MAPRE2: variants seen among roughly 807,000 people sequenced by gnomAD.
MAPRE2 encodes microtubule associated protein RP/EB family member 2.
In MAPRE2, 13 loss-of-function variants were observed where a neutral mutation model predicts 43.2. The ratio of observed to expected loss-of-function variants is 0.30; its 90% CI spans 0.20 to 0.48. MAPRE2 has a LOEUF of 0.48. Among genes scored for constraint, MAPRE2 ranks in the 20% least tolerant of loss-of-function variants. The pLI, the probability that MAPRE2 is intolerant of heterozygous loss-of-function variation, is 0.99. For missense variants in MAPRE2, 161 were observed against 400.2 expected (o/e 0.40, Z 5.10); for synonymous variants, 135 against 148.8 (o/e 0.91, Z 0.68).
chr18:35,140,482 T>G lies in MAPRE2; in HGVS notation c.*113T>G. Reference sequence around the variant, plus strand: ...AAACCAGTTGTTCCCAATCTGCCGTTACCATCAACGCACTGTTGCATATGC... The same window carrying G: ...AAACCAGTTGTTCCCAATCTGCCGTGACCATCAACGCACTGTTGCATATGC... On this transcript the variant is annotated 3_prime_UTR_variant, in exon 7 of 7. Coordinates refer to ENST00000300249, the MANE Select transcript of MAPRE2 (RefSeq NM_014268.4). 9.6e-7 allele frequency: 1 copy of G among 1,039,500 alleles called. No homozygotes were observed. The highest frequency in any genetic ancestry group is 1.4e-6 in the Non-Finnish European group (1 of 705,962). The allele number at this position is 1,039,500 out of a possible 1,614,324, so 64.4% of individuals were successfully genotyped here. A position where few individuals can be genotyped will look rare whatever the true frequency, so the allele number is the denominator to read the frequency against.
upstream of MAPRE2, among the ~76,000 whole-genome samples, chr18:35,038,817 T>C (rs955793158): frequency 5.3e-5 from 8 of 152,208 alleles, no homozygotes; most frequent in African/African-American, 1.9e-4. Flanking sequence ...TACCCCTGCA[T>C]CTCAGAGGGT....
At chr18:34,995,656 C>G (rs898194003) in intron 1 of MAPRE2, among the ~76,000 whole-genome samples, 2 of 152,114 alleles carry the variant, frequency 1.3e-5, no homozygotes, top group African/African-American at 4.8e-5. Context: ...TGGTGTGCAC[C>G]AAGGATGGAC....
intron 2 of MAPRE2, among the ~76,000 whole-genome samples, chr18:35,088,653 A>G (rs982967069): frequency 6.6e-6 from 1 of 152,168 alleles, no homozygotes; most frequent in African/African-American, 2.4e-5. Flanking sequence ...GAACATTCTG[A>G]TTTGTGGCTG....
chr18:35,046,110 T>C (rs1353606122), intron 1 of MAPRE2, among the ~76,000 whole-genome samples: 1 of 152,246 alleles, frequency 6.6e-6, no homozygotes, highest in African/African-American at 2.4e-5. Context: ...AGGGACCTCT[T>C]GAAGCTGCAG....
In MAPRE2 at chr18:35,123,479, G is replaced by A. The variant is rs115107736; in HGVS notation, c.611-3469G>A. On this transcript the variant is annotated intron_variant, in intron 4 of 6. Transcript: ENST00000300249. Reference sequence around the variant, plus strand: ...CCCCTCTGCAAGGCTGTGTCCCTCAGGAGGGGCCAGTGAGCATGGCACAGG... The same window carrying A: ...CCCCTCTGCAAGGCTGTGTCCCTCAAGAGGGGCCAGTGAGCATGGCACAGG... 8.7e-3 allele frequency among the ~76,000 whole-genome samples: 1,327 copies of A among 152,282 alleles called. 17 individuals carry two copies. Among genetic ancestry groups the A allele is most frequent in the African/African-American group, 0.03 (1,264 of 41,532 alleles).
At chr18:35,024,221 T>C (rs946009882) in intron 2 of MAPRE2, among the ~76,000 whole-genome samples, 1 of 152,216 alleles carries the variant, frequency 6.6e-6, no homozygotes, top group African/African-American at 2.4e-5. Context: ...TATCTTGTTC[T>C]GGTACCATGA....
chr18:35,090,066 G>C (rs1355260818), intron 2 of MAPRE2, among the ~76,000 whole-genome samples: 1 of 152,174 alleles, frequency 6.6e-6, no homozygotes, highest in Non-Finnish European at 1.5e-5. Flanking sequence ...CTATTTATAT[G>C]AATTGTCCAG....
intron 1 of MAPRE2, among the ~76,000 whole-genome samples, chr18:34,997,438 G>T (rs2097027058): frequency 6.6e-6 from 1 of 152,132 alleles, no homozygotes. Flanking sequence ...TACCACATGA[G>T]AGCTCTTCAG....
chr18:35,067,765 A>G (rs1261439232), intron 1 of MAPRE2, among the ~76,000 whole-genome samples: 2 of 152,328 alleles, frequency 1.3e-5, no homozygotes, highest in East Asian at 3.9e-4. Context: ...TGATCATTTC[A>G]TCAGTCCAAA....
At chr18:34,989,849 C>A (rs575359) in intron 1 of MAPRE2, among the ~76,000 whole-genome samples, 38,869 of 151,870 alleles carry the variant, frequency 0.26, 5,018 homozygotes, top group African/African-American at 0.27. Flanking sequence ...GAGGATCCCC[C>A]GGTAATCTGT....
chr18:35,075,854 T>C (rs1286702841), intron 2 of MAPRE2, among the ~76,000 whole-genome samples: 1 of 152,228 alleles, frequency 6.6e-6, no homozygotes, highest in Non-Finnish European at 1.5e-5. Context: ...TCTCTACTAA[T>C]GCACTGGTTG....
chr18:35,114,055 G>A (rs528755296), intron 4 of MAPRE2, among the ~76,000 whole-genome samples: 75 of 152,262 alleles, frequency 4.9e-4, no homozygotes, highest in Non-Finnish European at 5.9e-4. Flanking sequence ...ACTGAGGCAC[G>A]GAGAGGTTTA....
intron 3 of MAPRE2, among the ~76,000 whole-genome samples, chr18:35,100,055 T>C (rs1264468962): frequency 2.0e-5 from 3 of 152,216 alleles, no homozygotes; most frequent in Admixed American, 6.5e-5. Flanking sequence ...TATTGTCACA[T>C]AGCAAAGCTG....
At chr18:35,129,350 G>A (rs1281794014) in intron 5 of MAPRE2, among the ~76,000 whole-genome samples, 2 of 152,134 alleles carry the variant, frequency 1.3e-5, no homozygotes, top group East Asian at 1.9e-4. Flanking sequence ...AAGAACACTC[G>A]GGCGAGGAGA....
Position 35,140,454 on chromosome 18 carries a change from CAG to C in MAPRE2, c.*87_*88del. 2.3e-6 allele frequency: 3 copies of C among 1,305,524 alleles called. No homozygotes were observed. The highest frequency in any genetic ancestry group is 3.2e-6 in the Non-Finnish European group (3 of 934,666). 80.9% of individuals were successfully genotyped at this position (1,305,524 alleles called of 1,614,324 possible). A position where few individuals can be genotyped will look rare whatever the true frequency, so the allele number is the denominator to read the frequency against. ...GGAACATGTGTGGCCCCAAGCTCAA[CAG>C]AAACCAGTTGTTCCCAATCTGCCGT... On this transcript the variant is annotated 3_prime_UTR_variant, in exon 7 of 7. Coordinates refer to ENST00000300249, the MANE Select transcript of MAPRE2 (RefSeq NM_014268.4).
chr18:35,089,476 T>A (rs604578), intron 2 of MAPRE2, among the ~76,000 whole-genome samples: 32,675 of 151,966 alleles, frequency 0.22, 4,820 homozygotes, highest in African/African-American at 0.42. Flanking sequence ...AAGCAACCCA[T>A]TTAAGAAACA....
intron 1 of MAPRE2, among the ~76,000 whole-genome samples, chr18:35,042,136 A>G (rs1220287416): frequency 6.6e-6 from 1 of 152,146 alleles, no homozygotes; most frequent in African/African-American, 2.4e-5. Flanking sequence ...GTGATGTTAA[A>G]CCGCCAGATT....
At chr18:35,008,756 C>T (rs12608431) in intron 2 of MAPRE2, among the ~76,000 whole-genome samples, 127,702 of 152,144 alleles carry the variant, frequency 0.84, 53,635 homozygotes, top group East Asian at 0.98. Context: ...GTGGGATTAT[C>T]TGTCAAGGAC....
intron 5 of MAPRE2, among the ~76,000 whole-genome samples, chr18:35,129,988 A>T (rs1457847564): frequency 1.3e-5 from 2 of 152,222 alleles, no homozygotes; most frequent in Admixed American, 1.3e-4. Context: ...TGGTAGTGGC[A>T]GCTGTTACCT....
Sources: gnomAD v4.1 joint callset for allele counts (sites outside exome capture counted in the v4.1 genomes callset) on GRCh38, gnomAD v4.1.1 for gene constraint, MANE v1.5 for transcripts, NCBI Gene and HGNC (gene_info 2026-07-23, HGNC 2026-07-21) for gene names.